The following DLC1 variants were observed in gnomAD, a reference collection of about 807,000 sequenced individuals.
The protein encoded by DLC1 is DLC1 Rho GTPase activating protein.
Under a neutral mutation model 140.3 loss-of-function variants are expected in DLC1, and 54 were observed. The observed-to-expected ratio is 0.38, with a 90% CI of 0.31 to 0.48. The LOEUF (loss-of-function observed/expected upper bound fraction) is 0.48, where lower values mean the gene tolerates loss of function less well. DLC1 is among the 20% of genes least tolerant of loss of function. The pLI is 0.96. For synonymous variants in DLC1, 986 were observed against 728.1 expected, an observed-to-expected ratio of 1.35 and a Z score of -5.70; for missense variants, 2,536 against 1,907.0, an observed-to-expected ratio of 1.33 and a Z score of -6.14.
chr8:13,248,488 C>T (rs1253042630), intron 5 of DLC1, among the ~76,000 whole-genome samples: 3 of 152,126 alleles, frequency 2.0e-5, no homozygotes, highest in Admixed American at 2.0e-4. Flanking sequence ...ATCCAATCCC[C>T]AGTTACTCCC....
chr8:13,337,834 C>T (rs761315597), intron 4 of DLC1, among the ~76,000 whole-genome samples: 6 of 152,022 alleles, frequency 3.9e-5, no homozygotes, highest in Non-Finnish European at 8.8e-5. Flanking sequence ...TTGAATTAAA[C>T]AAGAGTGTAA....
chr8:13,358,443 GATTACTCTGGCTAAGTATTTTC>G (rs1412433104), intron 4 of DLC1, among the ~76,000 whole-genome samples: 11 of 152,144 alleles, frequency 7.2e-5, no homozygotes, highest in Admixed American at 6.5e-4. Flanking sequence ...AAAAGTGCTT[GATTACTCTGGCTAAGTATTTTC>G]AGTTTTGTGC....
chr8:13,161,210 A>G (rs976991074), intron 5 of DLC1, among the ~76,000 whole-genome samples: 11 of 152,176 alleles, frequency 7.2e-5, no homozygotes, highest in Non-Finnish European at 1.6e-4. Flanking sequence ...CAGAAATGAA[A>G]CCTAGATGAA....
At chr8:13,391,460 G>A (rs1381170315) in intron 4 of DLC1, among the ~76,000 whole-genome samples, 1 of 152,000 alleles carries the variant, frequency 6.6e-6, no homozygotes, top group South Asian at 2.1e-4. Context: ...TTCAATAATT[G>A]ATTTAAATAT....
intron 3 of DLC1, among the ~76,000 whole-genome samples, chr8:13,395,010 C>CTATCTATCTATCTATCTATT (rs2117222137): frequency 1.2e-5 from 1 of 83,814 alleles, no homozygotes; most frequent in Non-Finnish European, 2.2e-5. Context: ...CATATTCTAT[C>CTATCTATCTATCTATCTATT]TATCTATCTA....
intron 2 of DLC1, among the ~76,000 whole-genome samples, chr8:13,447,440 C>CCA (rs1798829369): frequency 6.6e-6 from 1 of 152,102 alleles, no homozygotes. Flanking sequence ...ACTTGCTTTG[C>CCA]CACACATTAT....
At chr8:13,467,517 T>G (rs2117052395) in intron 2 of DLC1, among the ~76,000 whole-genome samples, 1 of 152,080 alleles carries the variant, frequency 6.6e-6, no homozygotes, top group African/African-American at 2.4e-5. Flanking sequence ...ATCCTAGCAC[T>G]TTGGGAGGCC....
At chr8:13,364,438 A>G (rs1042286519) in intron 4 of DLC1, among the ~76,000 whole-genome samples, 5 of 152,044 alleles carry the variant, frequency 3.3e-5, no homozygotes, top group African/African-American at 4.8e-5. Flanking sequence ...AGCTGAGATT[A>G]CAGGCATGTG....
At chr8:13,169,874 G>C (rs1192624710) in intron 5 of DLC1, among the ~76,000 whole-genome samples, 2 of 149,944 alleles carry the variant, frequency 1.3e-5, no homozygotes, top group African/African-American at 5.0e-5. Context: ...AAAAAAGCCA[G>C]ATGCGGTGGC....
chr8:13,418,836 C>T (rs1431091184), intron 2 of DLC1, among the ~76,000 whole-genome samples: 3 of 152,110 alleles, frequency 2.0e-5, no homozygotes, highest in Admixed American at 2.0e-4. Context: ...TTGATTCTTC[C>T]TACCCATGAG....
At chr8:13,104,362 A>G (rs980937262) in intron 7 of DLC1, among the ~76,000 whole-genome samples, 3 of 151,870 alleles carry the variant, frequency 2.0e-5, no homozygotes, top group Non-Finnish European at 4.4e-5. Context: ...AAAAAAAAAA[A>G]AACCCAAAAC....
chr8:13,147,717 T>C (rs139117363), intron 5 of DLC1, among the ~76,000 whole-genome samples: 268 of 152,224 alleles, frequency 1.8e-3, no homozygotes, highest in African/African-American at 6.2e-3. Context: ...TGGCTGGGCA[T>C]GGTGGCTCAC....
chr8:13,571,850 C>A (rs1369695922), intron 1 of DLC1, among the ~76,000 whole-genome samples: 1 of 152,162 alleles, frequency 6.6e-6, no homozygotes, highest in East Asian at 1.9e-4. Context: ...CGGATTTTTT[C>A]ACGTCCTTGC....
chr8:13,260,453 T>C (rs939775698), intron 5 of DLC1, among the ~76,000 whole-genome samples: 21 of 152,300 alleles, frequency 1.4e-4, no homozygotes, highest in African/African-American at 5.1e-4. Flanking sequence ...TAAGGCCACC[T>C]GTAGAAGATG....
intron 13 of DLC1, 22 bp downstream of exon 13, chr8:13,092,590 G>A (rs1818165946): frequency 1.2e-6 from 2 of 1,610,808 alleles, no homozygotes; most frequent in South Asian, 1.1e-5. Flanking sequence ...CTGTGTGCAT[G>A]CACCTCCCAT....
intron 5 of DLC1, among the ~76,000 whole-genome samples, chr8:13,182,026 A>T (rs545482678): frequency 6.6e-6 from 1 of 152,202 alleles, no homozygotes; most frequent in Non-Finnish European, 1.5e-5. Context: ...AATGATTTCC[A>T]TTCTAACTGG....
intron 2 of DLC1, among the ~76,000 whole-genome samples, chr8:13,466,450 C>T (rs533157884): frequency 1.3e-5 from 2 of 152,158 alleles, no homozygotes; most frequent in Non-Finnish European, 2.9e-5. Context: ...CCTACAGAGT[C>T]GCTATCTTGG....
intron 1 of DLC1, among the ~76,000 whole-genome samples, chr8:13,536,895 C>G (rs1026569892): frequency 1.3e-5 from 2 of 152,160 alleles, no homozygotes; most frequent in African/African-American, 4.8e-5. Flanking sequence ...ATCCAGTAAT[C>G]TGTTCCAAAA....
rs372428213 is a variant in DLC1, at chr8:13,362,484, G to A, written c.1314+31069C>T. Among the ~76,000 whole-genome samples the A allele has an allele frequency of 8.5e-5, 13 of 152,224 alleles. 1 individual carries two copies. The highest frequency in any genetic ancestry group is 3.1e-4 in the African/African-American group (13 of 41,536). ...TTGAGGCAGTGCCTGGAATTAGAGT[G>A]AAACTCTTATGTCGGTTAACCTTTC... On this transcript the variant is annotated intron_variant, in intron 4 of 17. Coordinates refer to ENST00000276297, the MANE Select transcript of DLC1 (RefSeq NM_182643.3).
Sources: gnomAD v4.1 joint callset for allele counts (sites outside exome capture counted in the v4.1 genomes callset) on GRCh38, gnomAD v4.1.1 for gene constraint, MANE v1.5 for transcripts, NCBI Gene and HGNC (gene_info 2026-07-23, HGNC 2026-07-21) for gene names.